Variants in ZNF438 observed in about 807,000 individuals in gnomAD.
ZNF438 encodes the protein zinc finger protein 438.
In ZNF438, 25 loss-of-function variants were observed where a neutral mutation model predicts 38.0. The observed-to-expected ratio is 0.66, with a 90% CI of 0.48 to 0.92. ZNF438 has a LOEUF of 0.92. Ranked by LOEUF, ZNF438 falls within the 40% of genes least tolerant of loss-of-function variation. The pLI is 0.00. For synonymous variants in ZNF438, 372 were observed against 364.1 expected (o/e 1.02, Z -0.25); for missense variants, 1,007 against 999.6 (o/e 1.01, Z -0.10).
intron 1 of ZNF438, among the ~76,000 whole-genome samples, chr10:31,026,325 T>G (rs1447563421): frequency 6.6e-6 from 1 of 152,042 alleles, no homozygotes; most frequent in African/African-American, 2.4e-5. Flanking sequence ...GGGAGAAAAT[T>G]TTTGCAATCT....
intron 5 of ZNF438, among the ~76,000 whole-genome samples, chr10:30,847,451 ACTCAATAAAGCTCCTCTTCAT>A (rs1448441478): frequency 3.3e-5 from 5 of 152,032 alleles, no homozygotes; most frequent in African/African-American, 1.2e-4. Context: ...CTGTTCTATC[ACTCAATAAAGCTCCTCTTCAT>A]CTTGCTCACC....
Position 30,971,933 on chromosome 10 carries a change from C to T in ZNF438, c.-191-30282G>A, listed in dbSNP as rs574717320. The stretch of plus-strand genomic sequence containing the variant: ...TCCCCTTAAATTTTGTATGTGTTTA[C>T]ATTTAATAAACTACACACAGAAAGT... On this transcript the variant is annotated intron_variant, in intron 1 of 5. Coordinates refer to ENST00000413025, the Ensembl canonical transcript of ZNF438. Among the ~76,000 whole-genome samples the T allele has an allele frequency of 1.7e-4, 26 of 151,578 alleles. No homozygotes were observed. In the South Asian group the frequency reaches 5.2e-3, roughly 30 times the overall value.
intron 2 of ZNF438, among the ~76,000 whole-genome samples, chr10:30,941,233 A>C (rs2046789536): frequency 6.6e-6 from 1 of 152,000 alleles, no homozygotes; most frequent in African/African-American, 2.4e-5. Flanking sequence ...CACCATGCCC[A>C]ACTAATTTTT....
intron 2 of ZNF438, among the ~76,000 whole-genome samples, chr10:30,911,283 G>C (rs560949329): frequency 6.6e-6 from 1 of 152,252 alleles, no homozygotes; most frequent in African/African-American, 2.4e-5. Flanking sequence ...TCAGCAGCTT[G>C]CTTAGTGAGA....
chr10:30,929,358 T>C (rs1460619418), intron 2 of ZNF438, among the ~76,000 whole-genome samples: 1 of 152,126 alleles, frequency 6.6e-6, no homozygotes, highest in African/African-American at 2.4e-5. Context: ...TCTGGCTGGT[T>C]TCAGGAGTGA....
intron 4 of ZNF438, chr10:30,875,417 G>T: frequency 1.0e-6 from 1 of 980,406 alleles, no homozygotes; most frequent in Non-Finnish European, 1.2e-6. Flanking sequence ...CTTTGCCTGG[G>T]GTTCCACAGC....
Position 30,916,183 on chromosome 10 carries a change from G to A in ZNF438, c.-114-7168C>T, listed in dbSNP as rs116880408. Among the ~76,000 whole-genome samples the A allele has an allele frequency of 5.7e-3, 872 of 152,072 alleles. 3 individuals carry two copies. Among genetic ancestry groups the A allele is most frequent in the Non-Finnish European group, 9.4e-3 (641 of 67,916 alleles). ...GTGGCCTCCAAATAAGGCCACTAATGTCACATCCATATCAAGCTGTATAGG... is the reference window on the plus strand; with the variant it reads ...GTGGCCTCCAAATAAGGCCACTAATATCACATCCATATCAAGCTGTATAGG... On this transcript the variant is annotated intron_variant, in intron 2 of 5. Coordinates refer to ENST00000413025, the Ensembl canonical transcript of ZNF438.
At chr10:31,031,946 C>T (rs891086091), upstream of ZNF438, 2 of 152,188 alleles carry the variant, frequency 1.3e-5, no homozygotes, top group Admixed American at 6.5e-5. Context: ...CTCGCCCCGC[C>T]CCGGCGCCGC....
chr10:31,012,129 C>CT (rs1173483449), intron 1 of ZNF438, among the ~76,000 whole-genome samples: 1,699 of 130,688 alleles, frequency 0.013, 45 homozygotes, highest in African/African-American at 0.043. Context: ...TTTTTTTTTT[C>CT]TTTTTTTTTT....
intron 4 of ZNF438, among the ~76,000 whole-genome samples, chr10:30,872,420 T>G (rs2037593336): frequency 1.3e-5 from 1 of 76,534 alleles, no homozygotes; most frequent in Non-Finnish European, 2.4e-5. Flanking sequence ...AACAAGACTC[T>G]GTCTCAAAAA....
Position 30,962,701 on chromosome 10 carries a change from G to A in ZNF438, c.-191-21050C>T, listed in dbSNP as rs2049629380. Reference sequence around the variant, plus strand: ...AAAATACAGTGTGAGAAGCAAGTTGGATATAGCTTCCGGCTCATTGTCACA... The same window carrying A: ...AAAATACAGTGTGAGAAGCAAGTTGAATATAGCTTCCGGCTCATTGTCACA... On this transcript the variant is annotated intron_variant, in intron 1 of 5. Transcript: ENST00000413025. Among the ~76,000 whole-genome samples, 3 of 147,324 alleles carry A rather than the reference G, an allele frequency of 2.0e-5. No individual in the cohort carries two copies. In the South Asian group the frequency reaches 6.5e-4, roughly 32 times the overall value.
At chr10:30,977,895 T>C (rs975547005) in intron 1 of ZNF438, among the ~76,000 whole-genome samples, 1 of 151,870 alleles carries the variant, frequency 6.6e-6, no homozygotes, top group African/African-American at 2.4e-5. Flanking sequence ...AGGCAGAGAA[T>C]TGCTTGAACT....
intron 1 of ZNF438, among the ~76,000 whole-genome samples, chr10:30,980,439 C>CTCCCATG (rs2051994850): frequency 6.6e-6 from 1 of 152,038 alleles, no homozygotes; most frequent in African/African-American, 2.4e-5. Flanking sequence ...TTTTGAAAGG[C>CTCCCATG]AGGCATATAA....
rs545634196 is a variant in ZNF438 at position 30,948,556 on chromosome 10, G to A, written c.-191-6905C>T. On this transcript the variant is annotated intron_variant, in intron 1 of 5. Coordinates refer to ENST00000413025, the Ensembl canonical transcript of ZNF438. ...TAACCAATACAGAGAAGTGCTTAAAGGAGCTGATGGAGCTGAAAACCAAGG... is the reference window on the plus strand; with the variant it reads ...TAACCAATACAGAGAAGTGCTTAAAAGAGCTGATGGAGCTGAAAACCAAGG... Among the ~76,000 whole-genome samples the A allele has an allele frequency of 5.8e-3, 883 of 151,526 alleles. 9 individuals are homozygous for A. The highest frequency in any genetic ancestry group is 0.021 in the African/African-American group (850 of 41,374).
intron 2 of ZNF438, among the ~76,000 whole-genome samples, chr10:30,930,666 C>G (rs2934647): frequency 0.75 from 113,334 of 151,404 alleles, 43,336 homozygotes; most frequent in African/African-American, 0.89. Context: ...AATTAGCCGG[C>G]CATGGTGGTG....
chr10:31,009,582 A>G (rs1017304462), intron 1 of ZNF438, among the ~76,000 whole-genome samples: 5 of 152,204 alleles, frequency 3.3e-5, no homozygotes, highest in Non-Finnish European at 5.9e-5. Flanking sequence ...ACATGATCCA[A>G]TCCTTGCCCT....
upstream of ZNF438, among the ~76,000 whole-genome samples, chr10:31,032,367 C>CT (rs1220498643): frequency 1.3e-5 from 2 of 152,220 alleles, no homozygotes; most frequent in African/African-American, 2.4e-5. Context: ...CCCAGGGTCC[C>CT]TCGCTCCTCC....
In ZNF438 at chr10:30,844,743, C is replaced by T. The variant is rs185912501; in HGVS notation, c.*218G>A. On this transcript the variant is annotated 3_prime_UTR_variant, in exon 6 of 6. Transcript: ENST00000413025. ...AAGTCTAAGATATTAAGAATCAGTACGTATTTTAAAATAAGACTGCATATA... is the reference window on the plus strand; with the variant it reads ...AAGTCTAAGATATTAAGAATCAGTATGTATTTTAAAATAAGACTGCATATA... 1.3e-4 allele frequency: 68 copies of T among 530,414 alleles called. 1 individual carries two copies. The South Asian group carries it at 1.4e-3, about 11-fold the overall frequency. 32.9% of individuals were successfully genotyped at this position (530,414 alleles called of 1,614,324 possible). A position where few individuals can be genotyped will look rare whatever the true frequency, so the allele number is the denominator to read the frequency against.
intron 1 of ZNF438, among the ~76,000 whole-genome samples, chr10:30,968,165 A>G (rs2050342453): frequency 6.6e-6 from 1 of 152,140 alleles, no homozygotes; most frequent in South Asian, 2.1e-4. Flanking sequence ...TTCCAAAGAC[A>G]CTTGAAGGAT....
Sources: allele counts gnomAD v4.1 joint callset (sites outside exome capture counted in the v4.1 genomes callset), GRCh38; gene constraint gnomAD v4.1.1; transcripts MANE v1.5; gene names NCBI Gene and HGNC (gene_info 2026-07-23, HGNC 2026-07-21).